Variants in DNAJC13 observed in about 807,000 individuals in gnomAD.
The protein encoded by DNAJC13 is DnaJ heat shock protein family (Hsp40) member C13.
DNAJC13 carries 75 observed loss-of-function variants against 290.5 expected under a neutral mutation model. The ratio of observed to expected loss-of-function variants is 0.26; its 90% CI spans 0.21 to 0.31. The LOEUF (loss-of-function observed/expected upper bound fraction) is 0.31. DNAJC13 is among the 10% of genes least tolerant of loss of function. The probability of loss-of-function intolerance (pLI) is 1.00; values close to 1 mark genes in which losing one functional copy is unlikely to be tolerated. For missense variants in DNAJC13, 2,260 were observed against 2,674.5 expected (o/e 0.85, Z 3.42); for synonymous variants, 862 against 892.0 (o/e 0.97, Z 0.60).
At chr3:132,440,570 T>A (rs1193081481) in intron 2 of DNAJC13, among the ~76,000 whole-genome samples, 1 of 152,260 alleles carries the variant, frequency 6.6e-6, no homozygotes, top group East Asian at 1.9e-4. Flanking sequence ...TACCATTGTG[T>A]TACAGCTGCT....
Position 132,507,253 on chromosome 3 carries a change from C to T in DNAJC13, c.5015C>T (p.Thr1672Ile). ...TTTAAAAAGGGTGATTGTGACAAAA[C>T]TTATGGATCAGAATTTGTCTACAGT... ...NMIKKGDCDKTYGSEFVYSDH... is the reference protein window; with the variant it reads ...NMIKKGDCDKIYGSEFVYSDH... The change falls in exon 43 of 56, where the codon ACT (threonine) becomes ATT (isoleucine). Residue 1672 changes from threonine (T) to isoleucine (I), a missense_variant. By Grantham distance (89) the Thr-to-Ile change is moderately conservative. This residue lies in a region of DNAJC13 where 1,494 missense variants were observed against 1,693.7 expected (regional missense o/e 0.88). Transcript: ENST00000260818. The T allele has an allele frequency of 6.2e-7, 1 of 1,609,774 alleles. No individual in the cohort carries two copies. Among genetic ancestry groups the T allele is most frequent in the Non-Finnish European group, 8.5e-7 (1 of 1,176,946 alleles).
At chr3:132,447,871 A>C (rs1933302424) in intron 4 of DNAJC13, 27 bp from the exon 5 acceptor site, 1 of 1,595,694 alleles carries the variant, frequency 6.3e-7, no homozygotes, top group African/African-American at 1.3e-5. Flanking sequence ...CTGTTGTCAT[A>C]AACTGTGGTT....
Position 132,503,287 on chromosome 3 carries a change from A to G in DNAJC13, c.4790A>G (p.Gln1597Arg), listed in dbSNP as rs764097550. The G allele has an allele frequency of 6.2e-7, 1 of 1,614,144 alleles. No homozygotes were observed. Among genetic ancestry groups the G allele is most frequent in the African/African-American group, 1.3e-5 (1 of 75,040 alleles). ...CTTGGAGGGTATTTGGCTGAAGAACAAGCAACTCCAGAAAATCCAACCATA... is the reference window on the plus strand; with the variant it reads ...CTTGGAGGGTATTTGGCTGAAGAACGAGCAACTCCAGAAAATCCAACCATA... The part of the protein sequence containing the change: ...SRLGGYLAEE[Q>R]ATPENPTIRK... The change falls in exon 41 of 56, where the codon CAA (glutamine) becomes CGA (arginine). Residue 1597 changes from glutamine to arginine, a missense_variant. Physicochemically the swap from Gln to Arg is conservative, Grantham distance 43. Around this residue, in one of 3 missense-constraint regions of DNAJC13, gnomAD observed 1,494 missense variants for 1,693.7 expected, o/e 0.88. Coordinates refer to ENST00000260818, the MANE Select transcript of DNAJC13 (RefSeq NM_015268.4).
intron 5 of DNAJC13, 87 bp from the exon 6 acceptor site, chr3:132,450,560 C>T (rs1933387238): frequency 1.1e-6 from 1 of 893,940 alleles, no homozygotes. Context: ...GATTTTTGGT[C>T]GTTTCAATAG....
Position 132,479,250 on chromosome 3 carries a change from T to G in DNAJC13, c.2733T>G (p.Asp911Glu). The G allele has an allele frequency of 6.2e-7, 1 of 1,608,812 alleles. No individual in the cohort carries two copies. The highest frequency in any genetic ancestry group is 8.5e-7 in the Non-Finnish European group (1 of 1,175,810). Reference sequence around the variant, plus strand: ...AGTGCACAGATAAACTTGAACGAGATAGGTTGATTCTCTTCCTTAACAAGT... The same window carrying G: ...AGTGCACAGATAAACTTGAACGAGAGAGGTTGATTCTCTTCCTTAACAAGT... ...LERCTDKLER[D>E]RLILFLNKLI... The change falls in exon 25 of 56, where the codon GAT becomes GAG. Residue 911 changes from aspartate (D) to glutamate (E), a missense_variant. By Grantham distance (45) the Asp-to-Glu change is conservative. Around this residue, in one of 3 missense-constraint regions of DNAJC13, gnomAD observed 1,494 missense variants for 1,693.7 expected, o/e 0.88. Transcript: ENST00000260818.
chr3:132,490,100 C>G (rs1226824649), intron 31 of DNAJC13, among the ~76,000 whole-genome samples: 1 of 152,142 alleles, frequency 6.6e-6, no homozygotes, highest in Non-Finnish European at 1.5e-5. Context: ...AAAAGTTTAA[C>G]AGATAGTGAA....
intron 4 of DNAJC13, 129 bp downstream of exon 4, chr3:132,447,599 CT>C: frequency 1.0e-6 from 1 of 973,686 alleles, no homozygotes; most frequent in Non-Finnish European, 1.4e-6. Context: ...TCTTACTGAC[CT>C]TTAACTTGAC....
At chr3:132,484,044 A>G (rs6775809) in intron 28 of DNAJC13, among the ~76,000 whole-genome samples, 34,852 of 152,188 alleles carry the variant, frequency 0.23, 4,133 homozygotes, top group South Asian at 0.32. Flanking sequence ...TTATGAAATA[A>G]TTACATATAA....
rs193161577 is a variant in DNAJC13, at chr3:132,480,050, T to C, written c.2773-319T>C. 3.7e-4 allele frequency among the ~76,000 whole-genome samples: 57 copies of C among 152,314 alleles called. No individual in the cohort carries two copies. The East Asian group carries it at 7.9e-3, about 21-fold the overall frequency. On this transcript the variant is annotated intron_variant, in intron 25 of 55. Coordinates refer to ENST00000260818, the MANE Select transcript of DNAJC13 (RefSeq NM_015268.4). ...TTTATTTCTGATATAGAATAATCTGTTTATTAAAAAGACCTTGACAGAATA... is the reference window on the plus strand; with the variant it reads ...TTTATTTCTGATATAGAATAATCTGCTTATTAAAAAGACCTTGACAGAATA...
chr3:132,426,224 A>G (rs1939085659), intron 1 of DNAJC13, among the ~76,000 whole-genome samples: 1 of 152,188 alleles, frequency 6.6e-6, no homozygotes. Context: ...AACAAACAGA[A>G]GTTTCTTTGG....
intron 31 of DNAJC13, 24 bp from the exon 32 acceptor site, chr3:132,490,873 C>CTTTTG (rs747843329): frequency 1.4e-4 from 217 of 1,501,104 alleles, no homozygotes; most frequent in South Asian, 1.2e-4. Flanking sequence ...TTTTGACTAC[C>CTTTTG]TTTTGTTTTG....
intron 20 of DNAJC13, among the ~76,000 whole-genome samples, chr3:132,470,627 C>G (rs1934181359): frequency 7.0e-6 from 1 of 143,498 alleles, no homozygotes. Context: ...CTGACCCCCC[C>G]ACCTCCCTCC....
chr3:132,445,836 G>T (rs1294721411), intron 2 of DNAJC13, among the ~76,000 whole-genome samples: 8 of 151,798 alleles, frequency 5.3e-5, no homozygotes, highest in Admixed American at 2.0e-4. Flanking sequence ...TTCCTTTTAT[G>T]ATTATGAATT....
intron 5 of DNAJC13, among the ~76,000 whole-genome samples, chr3:132,448,972 G>A (rs1933339258): frequency 6.6e-6 from 1 of 152,108 alleles, no homozygotes; most frequent in Non-Finnish European, 1.5e-5. Flanking sequence ...GCTTTCAAAA[G>A]CATACTTAGA....
Position 132,450,701 on chromosome 3 carries a change from G to C in DNAJC13, c.391G>C (p.Glu131Gln), listed in dbSNP as rs1045395543. Residue 131 changes from glutamate to glutamine, a missense_variant, in exon 6 of 56, where the codon GAA becomes CAA. Glu to Gln is a conservative substitution (Grantham distance 29, BLOSUM62 2). Coordinates refer to ENST00000260818, the MANE Select transcript of DNAJC13 (RefSeq NM_015268.4). Reference protein sequence around the residue: ...WSDSRKPVILEVTPGGFDQIN... With the variant: ...WSDSRKPVILQVTPGGFDQIN... Reference sequence around the variant, plus strand: ...TGACTCAAGAAAACCTGTAATTTTGGAAGTAACTCCAGGAGGCTTTGACCA... The same window carrying C: ...TGACTCAAGAAAACCTGTAATTTTGCAAGTAACTCCAGGAGGCTTTGACCA... 6.2e-7 allele frequency: 1 copy of C among 1,613,174 alleles called. No homozygotes were observed. Among genetic ancestry groups the C allele is most frequent in the South Asian group, 1.1e-5 (1 of 91,054 alleles).
Position 132,454,150 on chromosome 3 carries a change from A to G in DNAJC13, c.925A>G (p.Thr309Ala), listed in dbSNP as rs1231873647. 1 of 1,590,506 alleles carries G rather than the reference A, an allele frequency of 6.3e-7. No homozygotes were observed. Among genetic ancestry groups the G allele is most frequent in the African/African-American group, 1.4e-5 (1 of 72,136 alleles). Residue 309 changes from threonine (T) to alanine (A), a missense_variant, in exon 9 of 56, where the codon ACA (threonine) becomes GCA (alanine). This residue lies in a region of DNAJC13 where 762 missense variants were observed against 964.1 expected (regional missense o/e 0.79). Coordinates refer to ENST00000260818, the MANE Select transcript of DNAJC13 (RefSeq NM_015268.4). ...IKGQVRKYSSTERDSLLASLL... is the reference protein window; with the variant it reads ...IKGQVRKYSSAERDSLLASLL... ...AGGGCAAGTACGGAAATATTCTTCA[A>G]CAGAGAGGTATTTTTTTTTTTTTAA...
chr3:132,504,552 C>G (rs1395761364), intron 41 of DNAJC13, among the ~76,000 whole-genome samples: 1 of 152,140 alleles, frequency 6.6e-6, no homozygotes, highest in African/African-American at 2.4e-5. Context: ...TGAGCTCCAA[C>G]TGGATTCAAT....
intron 19 of DNAJC13, 99 bp from the exon 20 acceptor site, chr3:132,467,071 C>CATT (rs751095142): frequency 4.0e-5 from 53 of 1,330,730 alleles, no homozygotes; most frequent in Non-Finnish European, 4.9e-5. Context: ...TAACATCCAG[C>CATT]ATTAACCTTA....
intron 21 of DNAJC13, 65 bp downstream of exon 21, chr3:132,473,292 AC>A: frequency 9.1e-7 from 1 of 1,102,126 alleles, no homozygotes; most frequent in Non-Finnish European, 1.3e-6. Context: ...GCATCATGAC[AC>A]GTTCTTCTTC....
Sources: allele counts gnomAD v4.1 joint callset (sites outside exome capture counted in the v4.1 genomes callset), GRCh38; gene constraint gnomAD v4.1.1; regional missense constraint gnomAD v4.1.1; transcripts MANE v1.5; gene names NCBI Gene and HGNC (gene_info 2026-07-23, HGNC 2026-07-21).